NEGR1: variants seen among roughly 807,000 people sequenced by gnomAD.
NEGR1 encodes neuronal growth regulator 1.
NEGR1 carries 10 observed loss-of-function variants against 40.9 expected under a neutral mutation model. The ratio of observed to expected loss-of-function variants is 0.24; its 90% CI spans 0.15 to 0.42. The LOEUF (loss-of-function observed/expected upper bound fraction) is 0.42, where lower values mean the gene tolerates loss of function less well. Among genes scored for constraint, NEGR1 ranks in the 10% least tolerant of loss-of-function variants. The pLI is 1.00. For missense variants in NEGR1, 352 were observed against 438.9 expected, an observed-to-expected ratio of 0.80 and a Z score of 1.77; for synonymous variants, 185 against 166.8, an observed-to-expected ratio of 1.11 and a Z score of -0.84.
intron 6 of NEGR1, among the ~76,000 whole-genome samples, chr1:71,566,203 C>G (rs941146872): frequency 3.9e-5 from 6 of 152,218 alleles, no homozygotes; most frequent in Admixed American, 3.3e-4. Flanking sequence ...TTTTTTATGA[C>G]AGCCCTAGCA....
chr1:71,971,471 C>T (rs747986841), intron 1 of NEGR1, among the ~76,000 whole-genome samples: 16 of 151,990 alleles, frequency 1.1e-4, no homozygotes, highest in African/African-American at 7.3e-5. Flanking sequence ...TGGGTTGTCA[C>T]GTGAATTACA....
chr1:72,123,200 T>C (rs963545374), intron 1 of NEGR1, among the ~76,000 whole-genome samples: 1 of 151,966 alleles, frequency 6.6e-6, no homozygotes, highest in Non-Finnish European at 1.5e-5. Flanking sequence ...TTGGCTATAA[T>C]GAAATGATGG....
chr1:71,409,935 A>G (rs1234707754), intron 6 of NEGR1, among the ~76,000 whole-genome samples: 1 of 151,992 alleles, frequency 6.6e-6, no homozygotes, highest in African/African-American at 2.4e-5. Flanking sequence ...CTAGGTACCA[A>G]GCACTCTCCT....
At chr1:71,850,426 G>C (rs1039424464) in intron 2 of NEGR1, among the ~76,000 whole-genome samples, 1 of 152,054 alleles carries the variant, frequency 6.6e-6, no homozygotes, top group Non-Finnish European at 1.5e-5. Context: ...AAAGTGCTTG[G>C]ATTACAGCAC....
intron 2 of NEGR1, among the ~76,000 whole-genome samples, chr1:71,791,289 A>G (rs948887004): frequency 1.3e-5 from 2 of 152,092 alleles, no homozygotes; most frequent in Admixed American, 6.6e-5. Flanking sequence ...AAAACTCAAA[A>G]TGTATCACTT....
chr1:72,006,769 G>T (rs2630413), intron 1 of NEGR1, among the ~76,000 whole-genome samples: 27 of 151,962 alleles, frequency 1.8e-4, no homozygotes, highest in Non-Finnish European at 2.8e-4. Flanking sequence ...AAAACTGGGG[G>T]GGGCGGGAAG....
At chr1:72,013,963 T>TAAAAAAAAAAAAA (rs1161156816) in intron 1 of NEGR1, among the ~76,000 whole-genome samples, 1 of 88,482 alleles carries the variant, frequency 1.1e-5, no homozygotes, top group Admixed American at 1.2e-4. Context: ...CTGTGAAAAA[T>TAAAAAAAAAAAAA]AAAAAAAAAA....
intron 1 of NEGR1, among the ~76,000 whole-genome samples, chr1:71,958,937 G>A (rs1317964162): frequency 7.1e-6 from 1 of 140,900 alleles, no homozygotes; most frequent in East Asian, 2.1e-4. Context: ...CCTGGGCAAG[G>A]CTCCATCTCA....
chr1:72,255,489 T>A (rs1471874251), intron 1 of NEGR1, among the ~76,000 whole-genome samples: 1 of 152,066 alleles, frequency 6.6e-6, no homozygotes, highest in Non-Finnish European at 1.5e-5. Context: ...CTGACCCTTG[T>A]GTGGTACTTA....
intron 1 of NEGR1, among the ~76,000 whole-genome samples, chr1:72,224,141 A>G (rs541421949): frequency 3.8e-4 from 58 of 152,248 alleles, no homozygotes; most frequent in African/African-American, 1.3e-3. Flanking sequence ...CAAAATGACT[A>G]CAGAAGTGCC....
intron 1 of NEGR1, among the ~76,000 whole-genome samples, chr1:72,024,319 G>A (rs1253829298): frequency 6.6e-6 from 1 of 151,024 alleles, no homozygotes; most frequent in Admixed American, 6.6e-5. Context: ...TTTTTTCTTA[G>A]TTTGAGCAAG....
At chr1:71,958,885 G>T (rs1464617535) in intron 1 of NEGR1, among the ~76,000 whole-genome samples, 2 of 151,548 alleles carry the variant, frequency 1.3e-5, no homozygotes, top group African/African-American at 4.8e-5. Flanking sequence ...AACCTGGGAG[G>T]GGGAGGTTGC....
rs1646066580 is a variant in NEGR1 at position 71,951,067 on chromosome 1, G to A, written c.177-15756C>T. On this transcript the variant is annotated intron_variant, in intron 1 of 6. Coordinates refer to ENST00000357731, the MANE Select transcript of NEGR1 (RefSeq NM_173808.3). ...TTCATGGACTTAGTACAAAAAATAGGCTATAAAATAAATATAAGATTTTAA... is the reference window on the plus strand; with the variant it reads ...TTCATGGACTTAGTACAAAAAATAGACTATAAAATAAATATAAGATTTTAA... Among the ~76,000 whole-genome samples the A allele has an allele frequency of 2.0e-5, 3 of 151,830 alleles. No individual in the cohort carries two copies. In the Admixed American group the frequency reaches 2.0e-4, roughly 10 times the overall value.
chr1:71,698,222 A>G (rs2101629094), intron 3 of NEGR1, 83 bp from the exon 4 acceptor site: 1 of 1,206,008 alleles, frequency 8.3e-7, no homozygotes, highest in East Asian at 2.5e-5. Flanking sequence ...ACTTCCTACA[A>G]GATACTGCTG....
chr1:71,926,053 A>T (rs1359712097), intron 2 of NEGR1, among the ~76,000 whole-genome samples: 3 of 152,184 alleles, frequency 2.0e-5, no homozygotes, highest in Admixed American at 2.0e-4. Context: ...AGAACATGAA[A>T]ATGTGATCAG....
At chr1:72,156,935 ATG>A (rs1315998962) in intron 1 of NEGR1, among the ~76,000 whole-genome samples, 2 of 90,082 alleles carry the variant, frequency 2.2e-5, no homozygotes, top group African/African-American at 6.3e-5. Context: ...GCTTGCTTGT[ATG>A]TGTTTTGTTG....
chr1:71,671,972 G>A (rs187198258), intron 4 of NEGR1, among the ~76,000 whole-genome samples: 1 of 143,992 alleles, frequency 6.9e-6, no homozygotes, highest in East Asian at 2.1e-4. Context: ...GTCCTCAAAT[G>A]ATCCTCCTGC....
At position 72,079,262 on chromosome 1, in the gene NEGR1, A is replaced by T. The variant is rs112709938; in HGVS notation, c.177-143951T>A. 3.2e-3 allele frequency among the ~76,000 whole-genome samples: 480 copies of T among 152,034 alleles called. 3 individuals are homozygous for T. The highest frequency in any genetic ancestry group is 0.011 in the African/African-American group (462 of 41,524). ...TATAGCTGCATGAGTTCTGAGTGAC[A>T]TATAGTTGCTTAATAATCAGATCTA... On this transcript the variant is annotated intron_variant, in intron 1 of 6. Coordinates refer to ENST00000357731, the MANE Select transcript of NEGR1 (RefSeq NM_173808.3).
At chr1:72,166,733 T>G (rs1029887988) in intron 1 of NEGR1, among the ~76,000 whole-genome samples, 1 of 152,014 alleles carries the variant, frequency 6.6e-6, no homozygotes, top group Non-Finnish European at 1.5e-5. Context: ...GCAGAGAGTA[T>G]TATTATGGTT....
Sources: gnomAD v4.1 joint callset for allele counts (sites outside exome capture counted in the v4.1 genomes callset) on GRCh38, gnomAD v4.1.1 for gene constraint, MANE v1.5 for transcripts, NCBI Gene and HGNC (gene_info 2026-07-23, HGNC 2026-07-21) for gene names.